The following MYH9 variants were observed in gnomAD, a reference collection of about 807,000 sequenced individuals.
The protein encoded by MYH9 is myosin heavy chain 9.
Under a neutral mutation model 241.9 loss-of-function variants are expected in MYH9, and 29 were observed. The ratio of observed to expected loss-of-function variants is 0.12; its 90% CI spans 0.09 to 0.16. The LOEUF is 0.16. MYH9 is among the 10% of genes least tolerant of loss of function. MYH9 has a pLI of 1.00. For missense variants in MYH9, 1,803 were observed against 2,595.5 expected, an observed-to-expected ratio of 0.69 and a Z score of 6.63; for synonymous variants, 1,047 against 1,062.6, an observed-to-expected ratio of 0.99 and a Z score of 0.29.
intron 19 of MYH9, among the ~76,000 whole-genome samples, chr22:36,303,018 C>T (rs1284466608): frequency 6.6e-6 from 1 of 152,170 alleles, no homozygotes; most frequent in East Asian, 1.9e-4. Context: ...CTGACTGGCC[C>T]TGGGTGACTC....
At position 36,320,654 on chromosome 22, in the gene MYH9, G is replaced by T; in HGVS notation, c.868+144C>A. The T allele has an allele frequency of 4.0e-6, 3 of 757,126 alleles. No individual in the cohort carries two copies. Among genetic ancestry groups the T allele is most frequent in the Non-Finnish European group, 6.7e-6 (3 of 445,722 alleles). 46.9% of individuals were successfully genotyped at this position (757,126 alleles called of 1,614,324 possible). A position where few individuals can be genotyped will look rare whatever the true frequency, so the allele number is the denominator to read the frequency against. Reference sequence around the variant, plus strand: ...CAGAAGACCAAGTCCTTAGGATGGCGCAGAGAACAGGAGTCACTCTCACTT... The same window carrying T: ...CAGAAGACCAAGTCCTTAGGATGGCTCAGAGAACAGGAGTCACTCTCACTT... On this transcript the variant is annotated intron_variant, in intron 8 of 40. Transcript: ENST00000216181. This position sits in a 1 kb window ranked among gnomAD's most constrained non-coding sequence, Gnocchi z 4.8.
At chr22:36,307,438 C>G (rs184720125) in intron 15 of MYH9, among the ~76,000 whole-genome samples, 1 of 152,334 alleles carries the variant, frequency 6.6e-6, no homozygotes, top group Admixed American at 6.5e-5. Flanking sequence ...AAATGTGAAG[C>G]CTTCTATTAC....
intron 14 of MYH9, among the ~76,000 whole-genome samples, chr22:36,310,055 G>A (rs2017035679): frequency 6.6e-6 from 1 of 151,934 alleles, no homozygotes; most frequent in Admixed American, 6.6e-5. Context: ...TTCGAGACCA[G>A]CCTGGCCAAC....
chr22:36,323,193 C>T (rs1242372690), intron 5 of MYH9, among the ~76,000 whole-genome samples: 2 of 152,226 alleles, frequency 1.3e-5, no homozygotes, highest in Non-Finnish European at 2.9e-5. Context: ...GCCTTCTTAT[C>T]CCTGGATCCC....
chr22:36,308,832 A>G, intron 15 of MYH9: 2 of 985,438 alleles, frequency 2.0e-6, no homozygotes, highest in Non-Finnish European at 2.4e-6. Flanking sequence ...AGAATAGGAA[A>G]GCGATGATAG....
In MYH9 at chr22:36,320,591, T is replaced by C. The variant is rs2017234482; in HGVS notation, c.868+207A>G. 6.6e-6 allele frequency among the ~76,000 whole-genome samples: 1 copy of C among 152,218 alleles called. No individual in the cohort carries two copies. Among genetic ancestry groups the C allele is most frequent in the Non-Finnish European group, 1.5e-5 (1 of 68,034 alleles). On this transcript the variant is annotated intron_variant, in intron 8 of 40. Coordinates refer to ENST00000216181, the MANE Select transcript of MYH9 (RefSeq NM_002473.6). The surrounding 1 kb of genome is among the most constrained non-coding windows in gnomAD (Gnocchi z 4.8). ...AGGTCCTGTGATTTGCAGCTACATG[T>C]GCAACCCACCCTAGCTTTTCTCTGG...
chr22:36,380,204 G>C (rs896669040), intron 1 of MYH9, among the ~76,000 whole-genome samples: 6 of 152,174 alleles, frequency 3.9e-5, no homozygotes, highest in Non-Finnish European at 7.3e-5. Context: ...GGAGTCAATC[G>C]GGCACAACAG....
chr22:36,359,763 G>T lies in MYH9; in HGVS notation c.-19-10508C>A, dbSNP rs1009403518. ...CATGAGAAGGTCGTGTGCCCTCCTG[G>T]AATGCTACGCCTCCATCTATCAAGT... On this transcript the variant is annotated intron_variant, in intron 1 of 40. Coordinates refer to ENST00000216181, the MANE Select transcript of MYH9 (RefSeq NM_002473.6). Among the ~76,000 whole-genome samples, 6 of 152,166 alleles carry T rather than the reference G, an allele frequency of 3.9e-5. No homozygotes were observed. In the East Asian group the frequency reaches 1.2e-3, roughly 29 times the overall value.
At chr22:36,375,199 G>A (rs2018147290) in intron 1 of MYH9, among the ~76,000 whole-genome samples, 1 of 152,178 alleles carries the variant, frequency 6.6e-6, no homozygotes, top group South Asian at 2.1e-4. Context: ...GTTTCAAGAT[G>A]GCTGATGTCA....
At chr22:36,364,348 G>A (rs1175106608) in intron 1 of MYH9, among the ~76,000 whole-genome samples, 1 of 152,168 alleles carries the variant, frequency 6.6e-6, no homozygotes, top group Non-Finnish European at 1.5e-5. Context: ...GGGAGGTGCT[G>A]AACTAAAGTC....
At chr22:36,294,359 A>G (rs1415362943) in intron 27 of MYH9, 61 bp from the exon 28 acceptor site, 34 of 1,552,568 alleles carry the variant, frequency 2.2e-5, no homozygotes, top group Non-Finnish European at 2.6e-5. Flanking sequence ...TGGCTGGTCT[A>G]TCATCACTGG....
Position 36,295,783 on chromosome 22 carries a change from A to G in MYH9, c.3273-66T>C. 2.7e-6 allele frequency: 4 copies of G among 1,479,818 alleles called. No individual in the cohort carries two copies. Among genetic ancestry groups the G allele is most frequent in the Middle Eastern group, 3.4e-4 (2 of 5,836 alleles). The allele number at this position is 1,479,818 out of a possible 1,614,324, so 91.7% of individuals were successfully genotyped here. On this transcript the variant is annotated intron_variant, in intron 25 of 40. Coordinates refer to ENST00000216181, the MANE Select transcript of MYH9 (RefSeq NM_002473.6). The surrounding 1 kb of genome is among the most constrained non-coding windows in gnomAD (Gnocchi z 4.1). ...ACCTCCAAGGAGCAGAGTTTGCAGGACAGGCCTGAGAGAGCTGCAGCAGCC... is the reference window on the plus strand; with the variant it reads ...ACCTCCAAGGAGCAGAGTTTGCAGGGCAGGCCTGAGAGAGCTGCAGCAGCC...
chr22:36,327,624 C>A, intron 3 of MYH9, 136 bp from the exon 4 acceptor site: 1 of 1,020,012 alleles, frequency 9.8e-7, no homozygotes, highest in Non-Finnish European at 1.5e-6. Context: ...TCGCAGTCTA[C>A]CCTCACACCT....
rs916507412 is a variant in MYH9, at chr22:36,305,756, G to A, written c.2159+174C>T. Among the ~76,000 whole-genome samples, 4 of 152,240 alleles carry A rather than the reference G, an allele frequency of 2.6e-5. No individual in the cohort carries two copies. The highest frequency in any genetic ancestry group is 5.9e-5 in the Non-Finnish European group (4 of 68,046). ...TTAAAATGGGGAAGTCTCCTTTCCT[G>A]CAAAGGGTGGAAAAGAGAAGGAGGT... On this transcript the variant is annotated intron_variant, in intron 17 of 40. Coordinates refer to ENST00000216181, the MANE Select transcript of MYH9 (RefSeq NM_002473.6). The surrounding 1 kb of genome is among the most constrained non-coding windows in gnomAD (Gnocchi z 4.7).
intron 12 of MYH9, among the ~76,000 whole-genome samples, chr22:36,314,931 G>C (rs917757290): frequency 1.3e-5 from 2 of 152,134 alleles, no homozygotes; most frequent in African/African-American, 2.4e-5. Flanking sequence ...CTACAGGTGT[G>C]AGCCACTGCA....
At chr22:36,380,930 T>A (rs2018247039) in intron 1 of MYH9, among the ~76,000 whole-genome samples, 1 of 152,026 alleles carries the variant, frequency 6.6e-6, no homozygotes, top group South Asian at 2.1e-4. Flanking sequence ...TCTCTTCTCA[T>A]ACAGCAAAGA....
At chr22:36,386,098 C>T (rs899434449) in intron 1 of MYH9, among the ~76,000 whole-genome samples, 5 of 152,298 alleles carry the variant, frequency 3.3e-5, no homozygotes, top group East Asian at 1.9e-4. Context: ...GGCAGGGCCC[C>T]GGGGATTTCA....
rs1464713086 is a variant in MYH9 at position 36,305,936 on chromosome 22, C to T, written c.2153G>A (p.Arg718Gln). Residue 718 changes from arginine to glutamine, a missense_variant, in exon 17 of 41, where the codon CGG becomes CAG. By Grantham distance (43) the Arg-to-Gln change is conservative (BLOSUM62 1). Transcript: ENST00000216181. The surrounding 1 kb of genome is among the most constrained non-coding windows in gnomAD (Gnocchi z 4.7). ...GCTCCGGGCCCTGGCTCACCTCTGCCGAAACTCCTGGAAGACCACCCTGTT... is the reference window on the plus strand; with the variant it reads ...GCTCCGGGCCCTGGCTCACCTCTGCTGAAACTCCTGGAAGACCACCCTGTT... ...FPNRVVFQEF[R>Q]QRYEILTPNS... 8 of 1,613,098 alleles carry T rather than the reference C, an allele frequency of 5.0e-6. No individual in the cohort carries two copies. The highest frequency in any genetic ancestry group is 2.2e-5 in the East Asian group (1 of 44,872).
chr22:36,313,694 G>T (rs908866683), intron 13 of MYH9, among the ~76,000 whole-genome samples: 1 of 152,102 alleles, frequency 6.6e-6, no homozygotes, highest in South Asian at 2.1e-4. Flanking sequence ...GCTTTGGTAC[G>T]TGTACACCTG....
Sources: allele counts gnomAD v4.1 joint callset (sites outside exome capture counted in the v4.1 genomes callset), GRCh38; gene constraint gnomAD v4.1.1; non-coding constraint Gnocchi (gnomAD v3.1); transcripts MANE v1.5; gene names NCBI Gene and HGNC (gene_info 2026-07-23, HGNC 2026-07-21).